RALYL: variants seen among roughly 807,000 people sequenced by gnomAD.
The protein encoded by RALYL is RALY RNA binding protein like.
In RALYL, 29 loss-of-function variants were observed where a neutral mutation model predicts 35.1. That is an observed-to-expected ratio of 0.83 (90% CI 0.61 to 1.13). The LOEUF (loss-of-function observed/expected upper bound fraction) is 1.13. Ranked by LOEUF, RALYL falls within the 50% of genes most tolerant of loss-of-function variation. The pLI is 0.00. For synonymous variants in RALYL, 120 were observed against 127.6 expected (o/e 0.94, Z 0.40); for missense variants, 359 against 360.4 (o/e 1.00, Z 0.03).
intron 1 of RALYL, among the ~76,000 whole-genome samples, chr8:84,295,356 A>G (rs1330554209): frequency 6.6e-6 from 1 of 152,162 alleles, no homozygotes; most frequent in African/African-American, 2.4e-5. Flanking sequence ...CAATCAAACC[A>G]TTTTGCTTGG....
chr8:84,413,134 AT>A (rs1563877634), intron 1 of RALYL, among the ~76,000 whole-genome samples: 4 of 150,474 alleles, frequency 2.7e-5, no homozygotes, highest in Admixed American at 2.0e-4. Flanking sequence ...TACATAATTA[AT>A]TTTTTTCTGG....
At chr8:84,509,344 G>T in intron 1 of RALYL, among the ~76,000 whole-genome samples, 1 of 152,066 alleles carries the variant, frequency 6.6e-6, no homozygotes, top group Non-Finnish European at 1.5e-5. Flanking sequence ...CATTTATGAT[G>T]CTCTGAACCC....
At chr8:84,840,444 C>T (rs1275875133) in intron 4 of RALYL, among the ~76,000 whole-genome samples, 3 of 152,126 alleles carry the variant, frequency 2.0e-5, no homozygotes, top group Non-Finnish European at 4.4e-5. Context: ...ATGAACAAAG[C>T]CTCCAAGTAA....
intron 2 of RALYL, among the ~76,000 whole-genome samples, chr8:84,692,636 A>G (rs944162384): frequency 3.3e-5 from 5 of 152,036 alleles, no homozygotes; most frequent in African/African-American, 1.2e-4. Context: ...TATTTCTGGT[A>G]TTCATCCTTT....
chr8:84,348,071 T>C (rs1850187326), intron 1 of RALYL, among the ~76,000 whole-genome samples: 1 of 152,112 alleles, frequency 6.6e-6, no homozygotes, highest in Non-Finnish European at 1.5e-5. Flanking sequence ...GTTGGCAGCC[T>C]GTGATGGCTG....
intron 5 of RALYL, among the ~76,000 whole-genome samples, chr8:84,853,046 G>A (rs1014174323): frequency 6.6e-6 from 1 of 152,204 alleles, no homozygotes; most frequent in Non-Finnish European, 1.5e-5. Context: ...TTGTTCTGAA[G>A]ATATGGAGAT....
At chr8:84,501,745 T>A (rs2056680840) in intron 1 of RALYL, among the ~76,000 whole-genome samples, 1 of 151,318 alleles carries the variant, frequency 6.6e-6, no homozygotes, top group African/African-American at 2.4e-5. Flanking sequence ...TGGGGATGGC[T>A]CACAAATGGC....
intron 1 of RALYL, among the ~76,000 whole-genome samples, chr8:84,376,598 G>A (rs1264219550): frequency 6.6e-6 from 1 of 151,798 alleles, no homozygotes; most frequent in Non-Finnish European, 1.5e-5. Context: ...TCAAAACTGA[G>A]CCTCAAATTA....
At chr8:84,287,637 A>G (rs1443527858) in intron 1 of RALYL, among the ~76,000 whole-genome samples, 1 of 152,100 alleles carries the variant, frequency 6.6e-6, no homozygotes, top group Admixed American at 6.6e-5. Context: ...TGGGGGAAAA[A>G]AAAGCCCCTT....
intron 1 of RALYL, among the ~76,000 whole-genome samples, chr8:84,440,581 G>T (rs571562108): frequency 1.6e-4 from 25 of 152,090 alleles, no homozygotes; most frequent in African/African-American, 6.0e-4. Context: ...TTTTACCTTG[G>T]CAAGAATGTT....
chr8:84,473,462 T>G (rs1362212010), intron 1 of RALYL, among the ~76,000 whole-genome samples: 1 of 151,894 alleles, frequency 6.6e-6, no homozygotes, highest in Admixed American at 6.6e-5. Context: ...TTAGCAATAT[T>G]TGATATAGAA....
intron 1 of RALYL, among the ~76,000 whole-genome samples, chr8:84,474,863 T>TG (rs2053206155): frequency 6.8e-6 from 1 of 147,344 alleles, no homozygotes. Context: ...TAACTGCAAT[T>TG]CCCCACCCCC....
At chr8:84,204,914 T>C (rs1817707071) in intron 1 of RALYL, among the ~76,000 whole-genome samples, 1 of 151,896 alleles carries the variant, frequency 6.6e-6, no homozygotes, top group Non-Finnish European at 1.5e-5. Flanking sequence ...TCCTCAGAGC[T>C]TTATTGTTTT....
At chr8:84,405,889 G>A (rs1207783874) in intron 1 of RALYL, among the ~76,000 whole-genome samples, 2 of 134,032 alleles carry the variant, frequency 1.5e-5, no homozygotes, top group African/African-American at 5.8e-5. Flanking sequence ...GCACGATCTC[G>A]GCTCACTGCA....
intron 4 of RALYL, among the ~76,000 whole-genome samples, chr8:84,845,196 G>C (rs1460542920): frequency 6.6e-6 from 1 of 152,090 alleles, no homozygotes; most frequent in Non-Finnish European, 1.5e-5. Context: ...AAAATACTGA[G>C]AACTTTTATT....
chr8:84,419,275 C>A (rs996217893), intron 1 of RALYL, among the ~76,000 whole-genome samples: 1 of 152,108 alleles, frequency 6.6e-6, no homozygotes, highest in African/African-American at 2.4e-5. Context: ...CATGAGGGCT[C>A]CTTAAGTTTT....
At chr8:84,814,518 A>T (rs1294858238) in intron 4 of RALYL, among the ~76,000 whole-genome samples, 1 of 152,284 alleles carries the variant, frequency 6.6e-6, no homozygotes, top group East Asian at 1.9e-4. Context: ...TATGCATCTC[A>T]TCTTAATATA....
chr8:84,559,737 C>G (rs1342598984), intron 2 of RALYL, among the ~76,000 whole-genome samples: 1 of 151,830 alleles, frequency 6.6e-6, no homozygotes, highest in Non-Finnish European at 1.5e-5. Context: ...TTAAGGGGCT[C>G]AGGTGGGAAA....
chr8:84,864,201 TTG>T (rs112446879), intron 6 of RALYL, among the ~76,000 whole-genome samples: 66 of 150,078 alleles, frequency 4.4e-4, no homozygotes, highest in South Asian at 8.4e-4. Context: ...GTGTGTGTGT[TTG>T]TGTGTGTGTG....
Sources: gnomAD v4.1 joint callset for allele counts (sites outside exome capture counted in the v4.1 genomes callset) on GRCh38, gnomAD v4.1.1 for gene constraint, MANE v1.5 for transcripts, NCBI Gene and HGNC (gene_info 2026-07-23, HGNC 2026-07-21) for gene names.